The following LAMA2 variants were observed in gnomAD, a reference collection of about 807,000 sequenced individuals.
The protein encoded by LAMA2 is laminin subunit alpha 2.
In LAMA2, 269 loss-of-function variants were observed where a neutral mutation model predicts 364.8. The observed-to-expected ratio is 0.74, with a 90% confidence interval of 0.67 to 0.82. The LOEUF (loss-of-function observed/expected upper bound fraction) is 0.82. LAMA2 is among the 40% of genes least tolerant of loss of function. The pLI is 0.00. For synonymous variants in LAMA2, 1,379 were observed against 1,370.6 expected (o/e 1.01, Z -0.14); for missense variants, 3,807 against 3,873.2 (o/e 0.98, Z 0.45).
chr6:129,096,670 G>C (rs1033572825), intron 3 of LAMA2, among the ~76,000 whole-genome samples: 1 of 152,174 alleles, frequency 6.6e-6, no homozygotes, highest in African/African-American at 2.4e-5. Flanking sequence ...TGGTCTCAGG[G>C]GAGAGGAGGC....
At chr6:129,093,373 G>A (rs1328409765) in intron 3 of LAMA2, among the ~76,000 whole-genome samples, 1 of 151,866 alleles carries the variant, frequency 6.6e-6, no homozygotes, top group Non-Finnish European at 1.5e-5. Context: ...ACTAACATGG[G>A]TATAGGTGAG....
At chr6:129,492,130 A>C in intron 57 of LAMA2, 53 bp downstream of exon 57, 3 of 1,534,430 alleles carry the variant, frequency 2.0e-6, no homozygotes, top group Non-Finnish European at 2.7e-6. Context: ...ATTTCTTGCT[A>C]TTAGGGGTCC....
chr6:129,457,705 C>A (rs892551692), intron 48 of LAMA2, among the ~76,000 whole-genome samples: 2 of 152,036 alleles, frequency 1.3e-5, no homozygotes, highest in Middle Eastern at 3.2e-3. Flanking sequence ...TCCATTAGGG[C>A]TGCTATAAGA....
intron 27 of LAMA2, among the ~76,000 whole-genome samples, chr6:129,319,388 A>G (rs1774814065): frequency 6.6e-6 from 1 of 152,214 alleles, no homozygotes; most frequent in Non-Finnish European, 1.5e-5. Context: ...GAATATCTTT[A>G]TAATAACTTT....
At chr6:128,944,231 ACCC>A (rs1780356299) in intron 1 of LAMA2, among the ~76,000 whole-genome samples, 2 of 152,172 alleles carry the variant, frequency 1.3e-5, no homozygotes, top group Non-Finnish European at 2.9e-5. Flanking sequence ...CAGTTAAGGT[ACCC>A]CACCTAGATT....
intron 12 of LAMA2, among the ~76,000 whole-genome samples, chr6:129,230,872 A>C (rs1488908644): frequency 6.6e-6 from 1 of 152,108 alleles, no homozygotes; most frequent in Non-Finnish European, 1.5e-5. Flanking sequence ...CTCAAGCTAC[A>C]GCGATTTCCC....
chr6:128,894,660 A>G (rs945290033), intron 1 of LAMA2, among the ~76,000 whole-genome samples: 9 of 152,214 alleles, frequency 5.9e-5, no homozygotes, highest in African/African-American at 2.2e-4. Flanking sequence ...AAAAAGATGT[A>G]CCCAAGATTT....
At chr6:129,072,569 A>G (rs894296806) in intron 3 of LAMA2, among the ~76,000 whole-genome samples, 3 of 152,176 alleles carry the variant, frequency 2.0e-5, no homozygotes, top group African/African-American at 7.2e-5. Context: ...ATACTGATAT[A>G]TGGGTTCAAA....
At position 129,465,253 on chromosome 6, in the gene LAMA2, T is replaced by C; in HGVS notation, c.7264T>C (p.Trp2422Arg). 6.2e-7 allele frequency: 1 copy of C among 1,611,728 alleles called. No homozygotes were observed. The highest frequency in any genetic ancestry group is 8.5e-7 in the Non-Finnish European group (1 of 1,178,416). Residue 2422 changes from tryptophan (W) to arginine (R), a missense_variant, in exon 51 of 65, where the codon TGG (tryptophan) becomes CGG (arginine). Trp to Arg is a moderately radical substitution (Grantham distance 101). This residue lies in a region of LAMA2 where 3,333 missense variants were observed against 3,345.7 expected (regional missense o/e 1.00). Transcript: ENST00000421865. ...VSNQNHNDGK[W>R]KSFTLSRIQK... ...CAATCAAAACCATAATGATGGGAAA[T>C]GGAAATCATTCACTCTGTCAAGAAT...
intron 3 of LAMA2, among the ~76,000 whole-genome samples, chr6:129,072,416 A>T (rs1401784475): frequency 6.6e-6 from 1 of 152,022 alleles, no homozygotes; most frequent in Non-Finnish European, 1.5e-5. Context: ...TGTTTGCGTG[A>T]TATAGGTTTT....
intron 12 of LAMA2, among the ~76,000 whole-genome samples, chr6:129,232,044 C>T (rs972239965): frequency 6.6e-6 from 1 of 152,068 alleles, no homozygotes; most frequent in African/African-American, 2.4e-5. Flanking sequence ...TTGATTGAAA[C>T]TGCATTATAC....
chr6:129,328,778 AC>A (rs763188330), intron 29 of LAMA2, among the ~76,000 whole-genome samples: 13 of 152,236 alleles, frequency 8.5e-5, no homozygotes, highest in Non-Finnish European at 1.3e-4. Context: ...CCAAAATGCA[AC>A]ATAACATTTT....
At chr6:129,219,692 T>C (rs1321785602) in intron 12 of LAMA2, among the ~76,000 whole-genome samples, 3 of 140,850 alleles carry the variant, frequency 2.1e-5, no homozygotes, top group Non-Finnish European at 3.1e-5. Context: ...ATGGATGAAA[T>C]TGGAAATCAT....
chr6:129,367,540 A>G (rs1192636911), intron 33 of LAMA2, among the ~76,000 whole-genome samples: 1 of 152,220 alleles, frequency 6.6e-6, no homozygotes, highest in Non-Finnish European at 1.5e-5. Flanking sequence ...TTCTGTTGGA[A>G]TTTGAAGTGT....
intron 4 of LAMA2, among the ~76,000 whole-genome samples, chr6:129,122,783 G>C (rs906851396): frequency 1.3e-5 from 2 of 152,084 alleles, no homozygotes; most frequent in African/African-American, 4.8e-5. Flanking sequence ...CTTGAATCTA[G>C]GCTCTGCCAC....
At position 129,440,967 on chromosome 6, in the gene LAMA2, G is replaced by C. The variant is rs2297738; in HGVS notation, c.6237G>C (p.Thr2079=). The C allele has an allele frequency of 6.2e-7, 1 of 1,613,524 alleles. No individual in the cohort carries two copies. Among genetic ancestry groups the C allele is most frequent in the Non-Finnish European group, 8.5e-7 (1 of 1,179,662 alleles). ...AACTAGCAGACAGCGTCGCCAAAAC[G>C]AATGCTGTGGTTAAAGATCCTTCCA... ...YNKLADSVAK[T]NAVVKDPSKN... The change falls in exon 43 of 65, where the codon ACG becomes ACC. Residue 2079 remains threonine, a synonymous_variant. Transcript: ENST00000421865.
intron 3 of LAMA2, among the ~76,000 whole-genome samples, chr6:129,097,441 C>G (rs750047973): frequency 5.3e-5 from 8 of 152,168 alleles, no homozygotes; most frequent in African/African-American, 1.2e-4. Flanking sequence ...TTGCCACATT[C>G]CTCTCCATTG....
intron 32 of LAMA2, among the ~76,000 whole-genome samples, chr6:129,363,985 G>T (rs1449254937): frequency 6.6e-6 from 1 of 152,196 alleles, no homozygotes; most frequent in Non-Finnish European, 1.5e-5. Flanking sequence ...GCTAGGAGAA[G>T]AGTAAGAGAT....
In LAMA2 at chr6:129,203,463, C is replaced by G. The variant is rs557187095; in HGVS notation, c.1782+10610C>G. Among the ~76,000 whole-genome samples, 7 of 152,246 alleles carry G rather than the reference C, an allele frequency of 4.6e-5. No homozygotes were observed. The South Asian group carries it at 1.5e-3, about 32-fold the overall frequency. On this transcript the variant is annotated intron_variant, in intron 12 of 64. Transcript: ENST00000421865. The stretch of plus-strand genomic sequence containing the variant: ...AATTCTAAACCTGGCATTTTGTTTA[C>G]TGTTGTTGAGTGTTGTTGGTAGTGG...
Sources: gnomAD v4.1 joint callset for allele counts (sites outside exome capture counted in the v4.1 genomes callset) on GRCh38, gnomAD v4.1.1 for gene constraint, gnomAD v4.1.1 regional missense constraint, MANE v1.5 for transcripts, NCBI Gene and HGNC (gene_info 2026-07-23, HGNC 2026-07-21) for gene names.